The following GEMIN8 variants were observed in gnomAD, a reference collection of about 807,000 sequenced individuals.
GEMIN8 encodes the protein gem nuclear organelle associated protein 8.
For missense variants in GEMIN8, 185 were observed against 205.9 expected (o/e 0.90, Z 0.62); for synonymous variants, 80 against 78.5 (o/e 1.02, Z -0.10).
chrX:13,995,737 C>T, the GEMIN8 span, among the ~76,000 whole-genome samples: 1 of 111,495 alleles, frequency 9.0e-6, no homozygotes, highest in East Asian at 2.8e-4. Flanking sequence ...GACTCTGACC[C>T]ACCTCCCTCC....
chrX:14,012,884 C>T (rs555323384), intron 4 of GEMIN8, among the ~76,000 whole-genome samples: 7 of 110,791 alleles, frequency 6.3e-5, no homozygotes, highest in African/African-American at 2.3e-4. Flanking sequence ...GAGTTGGGGT[C>T]GGACCCTGTT....
At chrX:14,014,559 G>GC (rs1923787406) in intron 4 of GEMIN8, 1 of 741,385 alleles carries the variant, frequency 1.3e-6, no homozygotes, top group Non-Finnish European at 1.6e-6. Flanking sequence ...AAACACACAC[G>GC]CATGTCAGGA....
the GEMIN8 span, among the ~76,000 whole-genome samples, chrX:13,995,891 C>T: frequency 6.7e-4 from 75 of 111,463 alleles, 1 homozygote; most frequent in East Asian, 0.016. Flanking sequence ...CATTGTGGAA[C>T]GCTGGACACA....
chrX:14,009,939 A>T (rs1252179438), intron 4 of GEMIN8, among the ~76,000 whole-genome samples: 3 of 112,334 alleles, frequency 2.7e-5, no homozygotes, highest in Non-Finnish European at 3.8e-5. Context: ...CCTTCCACAG[A>T]TTCGAAATGC....
Position 14,021,483 on chromosome X carries a change from G to T in GEMIN8, c.-5C>A. ...TCTTACCTTTACCGCTGCCATCTCTGATTGTGAAAGTCCAAATGGGTGCTG... is the reference window on the plus strand; with the variant it reads ...TCTTACCTTTACCGCTGCCATCTCTTATTGTGAAAGTCCAAATGGGTGCTG... On this transcript the variant is annotated 5_prime_UTR_variant, in exon 3 of 5. Transcript: ENST00000680255. The T allele has an allele frequency of 8.6e-7, 1 of 1,156,276 alleles. No individual in the cohort carries two copies. Among genetic ancestry groups the T allele is most frequent in the Non-Finnish European group, 1.2e-6 (1 of 846,707 alleles).
At chrX:14,016,847 AAAAAAAAAAAAAAAAAAAAATATATATAT>A (rs2147127391) in intron 4 of GEMIN8, among the ~76,000 whole-genome samples, 1 of 67,262 alleles carries the variant, frequency 1.5e-5, no homozygotes, top group East Asian at 4.1e-4. Context: ...TCTGTCTCAA[AAAAAAAAAAAAAAAAAAAAATATATATAT>A]ATATATATAT....
At chrX:14,000,020 G>T in the GEMIN8 span, among the ~76,000 whole-genome samples, 3 of 111,571 alleles carry the variant, frequency 2.7e-5, no homozygotes, top group Non-Finnish European at 3.8e-5. Flanking sequence ...ATGGGGGAGA[G>T]AGAGTGAGGC....
In GEMIN8 at chrX:14,020,221, G is replaced by A; in HGVS notation, c.329C>T (p.Thr110Ile). 1 of 1,209,922 alleles carries A rather than the reference G, an allele frequency of 8.3e-7. No homozygotes were observed. Among genetic ancestry groups the A allele is most frequent in the South Asian group, 1.8e-5 (1 of 56,954 alleles). The change falls in exon 4 of 5, where the codon ACA (threonine) becomes ATA (isoleucine). Residue 110 changes from threonine (T) to isoleucine (I), a missense_variant. Thr to Ile is a moderately conservative substitution (Grantham distance 89). Transcript: ENST00000680255. ...PRYSSRIQAS[T>I]KEDQALSKEE... ...TTTGGACAAAGCTTGGTCTTCTTTT[G>A]TGGATGCCTGGATCCTACTGCTGTA...
intron 4 of GEMIN8, chrX:14,013,793 T>G (rs1446462524): frequency 2.1e-5 from 3 of 141,960 alleles, no homozygotes; most frequent in Non-Finnish European, 3.7e-5. Context: ...AATCTGTTTT[T>G]TTTTTTTTTT....
intron 3 of GEMIN8, among the ~76,000 whole-genome samples, chrX:14,021,186 A>C (rs953053622): frequency 1.0e-5 from 1 of 99,301 alleles, no homozygotes; most frequent in African/African-American, 3.7e-5. Context: ...ACAGGTGGGA[A>C]TTGAACAATG....
downstream of GEMIN8, among the ~76,000 whole-genome samples, chrX:14,005,506 A>G (rs1369201512): frequency 8.9e-6 from 1 of 111,890 alleles, no homozygotes; most frequent in East Asian, 2.8e-4. Flanking sequence ...ACCTTGCCCA[A>G]TGCATCTCTT....
At chrX:14,002,644 C>G (rs1236248067), downstream of GEMIN8, among the ~76,000 whole-genome samples, 1 of 110,867 alleles carries the variant, frequency 9.0e-6, no homozygotes, top group Non-Finnish European at 1.9e-5. Flanking sequence ...GCTGGGATTA[C>G]AGGTGTGCAC....
chrX:14,003,134 A>AAT (rs1318452229), downstream of GEMIN8, among the ~76,000 whole-genome samples: 1 of 112,092 alleles, frequency 8.9e-6, no homozygotes, highest in African/African-American at 3.2e-5. Flanking sequence ...AAAGAATGCA[A>AAT]ATGCATTATC....
chrX:14,018,772 T>C (rs1924106692), intron 4 of GEMIN8, among the ~76,000 whole-genome samples: 2 of 102,261 alleles, frequency 2.0e-5, no homozygotes, highest in Admixed American at 2.1e-4. Flanking sequence ...TTTTCTTTTT[T>C]TTTTTTTTTT....
At chrX:14,018,975 C>CA (rs1431273308) in intron 4 of GEMIN8, among the ~76,000 whole-genome samples, 1 of 110,150 alleles carries the variant, frequency 9.1e-6, no homozygotes. Context: ...GAAAGGAAGT[C>CA]AAAAAAATCT....
At chrX:13,998,144 C>T in the GEMIN8 span, among the ~76,000 whole-genome samples, 6 of 105,215 alleles carry the variant, frequency 5.7e-5, no homozygotes, top group African/African-American at 1.0e-4. Flanking sequence ...GGGGCAATCA[C>T]GGCTCTCTGC....
chrX:14,005,479 T>C (rs906877182), downstream of GEMIN8, among the ~76,000 whole-genome samples: 3 of 112,001 alleles, frequency 2.7e-5, no homozygotes, highest in Non-Finnish European at 5.6e-5. Context: ...AAAGAAACTC[T>C]GCACCCCTTT....
chrX:14,009,799 C>T (rs1923413772), intron 4 of GEMIN8, among the ~76,000 whole-genome samples: 1 of 111,752 alleles, frequency 8.9e-6, no homozygotes. Context: ...GCGAGCAGTG[C>T]TTACCACCAT....
chrX:14,013,804 T>A (rs1923726357), intron 4 of GEMIN8: 1 of 148,966 alleles, frequency 6.7e-6, no homozygotes, highest in Non-Finnish European at 1.1e-5. Context: ...TTTTTTTTTT[T>A]AATCCACCCA....
Sources: allele counts gnomAD v4.1 joint callset (sites outside exome capture counted in the v4.1 genomes callset), GRCh38; gene constraint gnomAD v4.1.1; transcripts MANE v1.5; gene names NCBI Gene and HGNC (gene_info 2026-07-23, HGNC 2026-07-21).